RALGAPA2: variants seen among roughly 807,000 people sequenced by gnomAD.
RALGAPA2 encodes ral GTPase-activating protein subunit alpha-2.
RALGAPA2 carries 139 observed loss-of-function variants against 230.4 expected under a neutral mutation model. The observed-to-expected ratio is 0.60, with a 90% CI of 0.53 to 0.69. The LOEUF (loss-of-function observed/expected upper bound fraction) is 0.69, where lower values mean the gene tolerates loss of function less well. RALGAPA2 is among the 30% of genes least tolerant of loss of function. The pLI is 0.00. For synonymous variants in RALGAPA2, 847 were observed against 837.8 expected, an observed-to-expected ratio of 1.01 and a Z score of -0.19; for missense variants, 2,163 against 2,276.0, an observed-to-expected ratio of 0.95 and a Z score of 1.01.
At chr20:20,586,913 A>G (rs1324515002) in intron 18 of RALGAPA2, among the ~76,000 whole-genome samples, 1 of 152,212 alleles carries the variant, frequency 6.6e-6, no homozygotes, top group Non-Finnish European at 1.5e-5. Flanking sequence ...AATATAAAAG[A>G]GGCAATATTT....
rs779944905 is a variant in RALGAPA2, at chr20:20,398,531, C to T, written c.5618-1797G>A. Among the ~76,000 whole-genome samples, 21 of 152,144 alleles carry T rather than the reference C, an allele frequency of 1.4e-4. No individual in the cohort carries two copies. Among genetic ancestry groups the T allele is most frequent in the African/African-American group, 2.9e-4 (12 of 41,432 alleles). ...AATGTCACTTGCCCTTGACACACGGCGGTGCTCCCAAAGGGTGGGGTTCCA... is the reference window on the plus strand; with the variant it reads ...AATGTCACTTGCCCTTGACACACGGTGGTGCTCCCAAAGGGTGGGGTTCCA... On this transcript the variant is annotated intron_variant, in intron 38 of 39. Transcript: ENST00000202677. This position sits in a 1 kb window ranked among gnomAD's most constrained non-coding sequence, Gnocchi z 4.5.
intron 38 of RALGAPA2, among the ~76,000 whole-genome samples, chr20:20,410,486 G>A (rs1569371210): frequency 6.6e-6 from 1 of 152,156 alleles, no homozygotes; most frequent in Non-Finnish European, 1.5e-5. Context: ...CTCACGAAGA[G>A]GGGAATAATC....
At chr20:20,616,232 A>G (rs1030642848) in intron 12 of RALGAPA2, 41 bp from the exon 13 acceptor site, 2 of 1,351,062 alleles carry the variant, frequency 1.5e-6, no homozygotes, top group Non-Finnish European at 2.0e-6. Context: ...ATAACTGAAC[A>G]TAAACATTTG....
chr20:20,395,727 T>C (rs4813387), intron 39 of RALGAPA2, among the ~76,000 whole-genome samples: 47,393 of 151,972 alleles, frequency 0.31, 7,490 homozygotes, highest in Admixed American at 0.34. Context: ...CTGGCTGTGA[T>C]GCTGGCTGCT....
intron 31 of RALGAPA2, among the ~76,000 whole-genome samples, chr20:20,513,502 G>C (rs2062778050): frequency 1.3e-5 from 2 of 152,176 alleles, no homozygotes; most frequent in African/African-American, 4.8e-5. Context: ...GAATCGTGAA[G>C]GATGTTCCAG....
chr20:20,557,112 C>T (rs2064107020), intron 23 of RALGAPA2, among the ~76,000 whole-genome samples: 3 of 152,114 alleles, frequency 2.0e-5, no homozygotes. Context: ...GAGTTCAAGA[C>T]CAGCCTGGCC....
At chr20:20,413,342 T>C (rs1435309419) in intron 37 of RALGAPA2, among the ~76,000 whole-genome samples, 1 of 152,208 alleles carries the variant, frequency 6.6e-6, no homozygotes, top group Non-Finnish European at 1.5e-5. Flanking sequence ...CAAATACTTT[T>C]CTGCTTTCTT....
At chr20:20,702,530 G>A (rs1450929530) in intron 1 of RALGAPA2, among the ~76,000 whole-genome samples, 1 of 152,196 alleles carries the variant, frequency 6.6e-6, no homozygotes, top group African/African-American at 2.4e-5. Context: ...CCCTTCAGAG[G>A]CATCTGAAGT....
intron 3 of RALGAPA2, among the ~76,000 whole-genome samples, chr20:20,657,344 A>G (rs1314454032): frequency 6.6e-6 from 1 of 152,220 alleles, no homozygotes; most frequent in African/African-American, 2.4e-5. Context: ...TGATGCAAAG[A>G]GTATGACCAA....
intron 19 of RALGAPA2, 74 bp downstream of exon 19, chr20:20,584,791 A>G: frequency 8.7e-7 from 1 of 1,151,138 alleles, no homozygotes; most frequent in Non-Finnish European, 1.3e-6. Context: ...TAATAATAAT[A>G]ATAATAAAAT....
At chr20:20,411,573 G>A (rs564265811) in intron 38 of RALGAPA2, among the ~76,000 whole-genome samples, 10 of 152,276 alleles carry the variant, frequency 6.6e-5, no homozygotes, top group South Asian at 2.1e-4. Context: ...GATGGACCCC[G>A]GGACACTGTC....
intron 37 of RALGAPA2, among the ~76,000 whole-genome samples, chr20:20,418,850 C>T (rs1234373759): frequency 2.6e-5 from 4 of 152,146 alleles, no homozygotes. Context: ...GCAATCCTCC[C>T]ACCTCAGCCT....
intron 3 of RALGAPA2, among the ~76,000 whole-genome samples, chr20:20,667,717 G>A (rs1333897990): frequency 6.6e-6 from 1 of 152,142 alleles, no homozygotes; most frequent in Non-Finnish European, 1.5e-5. Context: ...GCATCATCCT[G>A]GAGTGCACTG....
intron 37 of RALGAPA2, chr20:20,472,533 G>A (rs1185543388): frequency 2.5e-5 from 5 of 197,400 alleles, no homozygotes; most frequent in African/African-American, 4.7e-5. Context: ...GAGACTGAAC[G>A]TGGGGCAAAA....
intron 23 of RALGAPA2, among the ~76,000 whole-genome samples, chr20:20,552,755 G>A (rs2063965182): frequency 6.6e-6 from 1 of 152,140 alleles, no homozygotes; most frequent in African/African-American, 2.4e-5. Context: ...AATGCTGAGT[G>A]ACGAGAAATT....
At chr20:20,402,745 C>G (rs998619915) in intron 38 of RALGAPA2, among the ~76,000 whole-genome samples, 2 of 152,208 alleles carry the variant, frequency 1.3e-5, no homozygotes, top group African/African-American at 4.8e-5. Flanking sequence ...AGTTGTCCCC[C>G]ATCCCCACAG....
At chr20:20,426,001 T>G (rs957682642) in intron 37 of RALGAPA2, among the ~76,000 whole-genome samples, 1 of 152,226 alleles carries the variant, frequency 6.6e-6, no homozygotes, top group East Asian at 1.9e-4. Context: ...GGAGCATGTC[T>G]TTATCTGCAG....
chr20:20,666,628 C>T (rs552972408), intron 3 of RALGAPA2, among the ~76,000 whole-genome samples: 6 of 152,246 alleles, frequency 3.9e-5, no homozygotes, highest in African/African-American at 1.4e-4. Context: ...AATAACAAAG[C>T]AGAGAAAAGC....
intron 35 of RALGAPA2, among the ~76,000 whole-genome samples, chr20:20,502,699 G>A (rs1461666845): frequency 6.6e-6 from 1 of 152,176 alleles, no homozygotes; most frequent in Non-Finnish European, 1.5e-5. Context: ...GGGATTCTAG[G>A]TTCCCCACCT....
Sources: gnomAD v4.1 joint callset for allele counts (sites outside exome capture counted in the v4.1 genomes callset) on GRCh38, gnomAD v4.1.1 for gene constraint, Gnocchi (gnomAD v3.1) non-coding constraint, MANE v1.5 for transcripts, NCBI Gene and HGNC (gene_info 2026-07-23, HGNC 2026-07-21) for gene names.